CTNNA3: variants seen among roughly 807,000 people sequenced by gnomAD.
CTNNA3 encodes the protein catenin alpha-3.
In CTNNA3, 76 loss-of-function variants were observed where a neutral mutation model predicts 95.7. The ratio of observed to expected loss-of-function variants is 0.79; its 90% CI spans 0.66 to 0.96. CTNNA3 has a LOEUF of 0.96. Ranked by LOEUF, CTNNA3 falls within the 40% of genes least tolerant of loss-of-function variation. CTNNA3 has a pLI of 0.00. For synonymous variants in CTNNA3, 431 were observed against 374.4 expected (o/e 1.15, Z -1.74); for missense variants, 1,191 against 1,089.8 (o/e 1.09, Z -1.31).
At chr10:66,950,500 C>G (rs755464945) in intron 7 of CTNNA3, among the ~76,000 whole-genome samples, 1 of 151,936 alleles carries the variant, frequency 6.6e-6, no homozygotes, top group Admixed American at 6.6e-5. Flanking sequence ...GTATATTAAA[C>G]AAAAGATCCT....
At chr10:65,984,847 G>C (rs1282015147) in intron 16 of CTNNA3, among the ~76,000 whole-genome samples, 5 of 151,252 alleles carry the variant, frequency 3.3e-5, no homozygotes, top group Middle Eastern at 3.4e-3. Context: ...CTAAGATTTA[G>C]TGTCTCTCAT....
At chr10:67,331,682 T>A (rs1355512952) in intron 5 of CTNNA3, among the ~76,000 whole-genome samples, 1 of 152,176 alleles carries the variant, frequency 6.6e-6, no homozygotes, top group Non-Finnish European at 1.5e-5. Flanking sequence ...ATTCTTGAGA[T>A]GAGATATAGT....
chr10:66,389,926 G>A (rs1208117011), intron 11 of CTNNA3, among the ~76,000 whole-genome samples: 1 of 152,082 alleles, frequency 6.6e-6, no homozygotes, highest in Non-Finnish European at 1.5e-5. Flanking sequence ...TATAGAGACA[G>A]GGTCTTGCTA....
At chr10:67,345,245 T>G (rs1842365478) in intron 5 of CTNNA3, among the ~76,000 whole-genome samples, 1 of 152,128 alleles carries the variant, frequency 6.6e-6, no homozygotes, top group Admixed American at 6.5e-5. Flanking sequence ...TTAAGACTTG[T>G]TTTGTGACCT....
At chr10:67,068,638 C>T (rs562107639) in intron 7 of CTNNA3, among the ~76,000 whole-genome samples, 1 of 152,248 alleles carries the variant, frequency 6.6e-6, no homozygotes, top group South Asian at 2.1e-4. Context: ...ATGAGAGTGA[C>T]ATCAGAAAAG....
intron 11 of CTNNA3, among the ~76,000 whole-genome samples, chr10:66,507,090 T>C (rs1000753122): frequency 6.6e-6 from 1 of 152,188 alleles, no homozygotes; most frequent in Admixed American, 6.5e-5. Context: ...AAAATCAATT[T>C]ATTTTCCATT....
chr10:66,227,204 G>A (rs1257399138), intron 13 of CTNNA3, among the ~76,000 whole-genome samples: 6 of 152,060 alleles, frequency 3.9e-5, no homozygotes, highest in Admixed American at 3.9e-4. Context: ...TTCTGGCTAG[G>A]ACTTCCAGTG....
intron 7 of CTNNA3, among the ~76,000 whole-genome samples, chr10:66,834,166 T>C (rs1346455925): frequency 6.6e-6 from 1 of 152,202 alleles, no homozygotes; most frequent in Non-Finnish European, 1.5e-5. Flanking sequence ...GTTGAGCTAA[T>C]AGCCAGCTTT....
intron 7 of CTNNA3, among the ~76,000 whole-genome samples, chr10:67,065,410 C>T (rs944223771): frequency 6.6e-6 from 1 of 151,848 alleles, no homozygotes; most frequent in East Asian, 1.9e-4. Flanking sequence ...TTTTCTCAAC[C>T]CTTTACATAA....
At chr10:67,384,999 AGTG>A (rs1240411462) in intron 5 of CTNNA3, among the ~76,000 whole-genome samples, 1 of 152,036 alleles carries the variant, frequency 6.6e-6, no homozygotes, top group Non-Finnish European at 1.5e-5. Context: ...GATAAGAAAA[AGTG>A]GTAAAGATTT....
At chr10:66,305,792 A>G (rs1589058951) in intron 12 of CTNNA3, among the ~76,000 whole-genome samples, 2 of 152,230 alleles carry the variant, frequency 1.3e-5, no homozygotes, top group African/African-American at 4.8e-5. Flanking sequence ...GGGAAAATGT[A>G]TATAAAGCCC....
intron 5 of CTNNA3, among the ~76,000 whole-genome samples, chr10:67,351,872 C>T (rs895567888): frequency 5.9e-5 from 9 of 151,980 alleles, no homozygotes; most frequent in Non-Finnish European, 2.9e-5. Flanking sequence ...CTCTGAAACA[C>T]TCTGACATAC....
At chr10:67,551,613 G>A (rs1362737658) in intron 3 of CTNNA3, among the ~76,000 whole-genome samples, 1 of 152,172 alleles carries the variant, frequency 6.6e-6, no homozygotes, top group Non-Finnish European at 1.5e-5. Flanking sequence ...TGGGGCTTCA[G>A]AGCTGTAAAC....
intron 5 of CTNNA3, among the ~76,000 whole-genome samples, chr10:67,327,422 T>C (rs1269749748): frequency 6.6e-6 from 1 of 152,222 alleles, no homozygotes; most frequent in African/African-American, 2.4e-5. Flanking sequence ...TCCTATTTGA[T>C]GACCTTGAAG....
At position 66,318,590 on chromosome 10, in the gene CTNNA3, C is replaced by T. The variant is rs995102774; in HGVS notation, c.1733-37969G>A. On this transcript the variant is annotated intron_variant, in intron 12 of 17. Coordinates refer to ENST00000433211, the MANE Select transcript of CTNNA3 (RefSeq NM_013266.4). ...ATCCATGCTATTGCCAAAATCCATG[C>T]CCTCTAAGTGAAACTTTATTTCCAT... is the stretch of plus-strand genomic sequence containing the variant. Among the ~76,000 whole-genome samples, 11 of 152,050 alleles carry T rather than the reference C, an allele frequency of 7.2e-5. No homozygotes were observed. In the South Asian group the frequency reaches 2.3e-3, roughly 32 times the overall value.
At position 66,712,592 on chromosome 10, in the gene CTNNA3, C is replaced by T. The variant is rs12764515; in HGVS notation, c.1281+53672G>A. Among the ~76,000 whole-genome samples the T allele has an allele frequency of 8.8e-3, 1,315 of 149,212 alleles. 22 individuals carry two copies. The highest frequency in any genetic ancestry group is 0.03 in the African/African-American group (1,208 of 40,858). ...CTCTTAATCGCTCTCACTCTCTCTC[C>T]CTCTCTCTCTCTCTCTCACACACAC... On this transcript the variant is annotated intron_variant, in intron 9 of 17. Transcript: ENST00000433211.
chr10:66,006,681 T>C (rs2078893391), intron 15 of CTNNA3, among the ~76,000 whole-genome samples: 1 of 152,194 alleles, frequency 6.6e-6, no homozygotes, highest in Non-Finnish European at 1.5e-5. Context: ...CGTGATATAC[T>C]GGCTGCCCCT....
intron 11 of CTNNA3, among the ~76,000 whole-genome samples, chr10:66,404,106 T>C (rs1411739656): frequency 6.6e-6 from 1 of 152,084 alleles, no homozygotes; most frequent in Non-Finnish European, 1.5e-5. Context: ...TTTTTCAGAC[T>C]AACCCCAACT....
At chr10:67,700,396 C>T (rs1048043705), upstream of CTNNA3, among the ~76,000 whole-genome samples, 9 of 152,190 alleles carry the variant, frequency 5.9e-5, no homozygotes, top group African/African-American at 1.2e-4. Context: ...CAGACTGACA[C>T]CTCACACGGC....
Sources: gnomAD v4.1 joint callset for allele counts (sites outside exome capture counted in the v4.1 genomes callset) on GRCh38, gnomAD v4.1.1 for gene constraint, MANE v1.5 for transcripts, NCBI Gene and HGNC (gene_info 2026-07-23, HGNC 2026-07-21) for gene names.